The following SH2D1B variants were observed in gnomAD, a reference collection of about 807,000 sequenced individuals.
SH2D1B encodes the protein SH2 domain containing 1B.
A neutral mutation model predicts 16.3 loss-of-function variants in SH2D1B; 11 were observed. That is an observed-to-expected ratio of 0.67 (90% CI 0.42 to 1.11). SH2D1B has a LOEUF of 1.11. Among genes scored for constraint, SH2D1B ranks in the 50% most tolerant of loss-of-function variants. The probability of loss-of-function intolerance (pLI) is 0.00; values close to 1 mark genes in which losing one functional copy is unlikely to be tolerated. For synonymous variants in SH2D1B, 55 were observed against 56.1 expected (o/e 0.98, Z 0.09); for missense variants, 123 against 153.1 (o/e 0.80, Z 1.04).
chr1:162,410,491 G>C (rs1451735293), intron 1 of SH2D1B, among the ~76,000 whole-genome samples: 1 of 152,022 alleles, frequency 6.6e-6, no homozygotes, highest in Non-Finnish European at 1.5e-5. Context: ...TTCTGTTACA[G>C]GTATAATAAA....
chr1:162,405,681 G>T (rs351451), intron 1 of SH2D1B, among the ~76,000 whole-genome samples: 1 of 152,126 alleles, frequency 6.6e-6, no homozygotes, highest in Non-Finnish European at 1.5e-5. Flanking sequence ...TATGGAAATC[G>T]TTGTCGTCAT....
At chr1:162,400,159 A>C (rs760283703) in intron 2 of SH2D1B, among the ~76,000 whole-genome samples, 2 of 152,218 alleles carry the variant, frequency 1.3e-5, no homozygotes, top group Non-Finnish European at 2.9e-5. Context: ...TACTTGATGA[A>C]TTCACAATCT....
chr1:162,405,106 G>T (rs573819711), intron 1 of SH2D1B, among the ~76,000 whole-genome samples: 1 of 152,180 alleles, frequency 6.6e-6, no homozygotes, highest in Admixed American at 6.5e-5. Context: ...AACTATTGCT[G>T]CATGCAACCA....
Position 162,410,435 on chromosome 1 carries a change from A to G in SH2D1B, c.134+1448T>C, listed in dbSNP as rs185666049. Among the ~76,000 whole-genome samples, 293 of 152,314 alleles carry G rather than the reference A, an allele frequency of 1.9e-3. 1 individual carries two copies. In the Middle Eastern group the frequency reaches 0.024, roughly 12 times the overall value. ...CTTCCCAACCATAATTTAACAAGTG[A>G]CATTGAGTAATTTTTTTCTTTAACA... On this transcript the variant is annotated intron_variant, in intron 1 of 3. Coordinates refer to ENST00000367929, the MANE Select transcript of SH2D1B (RefSeq NM_053282.5).
At chr1:162,399,914 C>T (rs373529936) in intron 2 of SH2D1B, among the ~76,000 whole-genome samples, 11 of 152,256 alleles carry the variant, frequency 7.2e-5, no homozygotes, top group Middle Eastern at 6.8e-3. Context: ...ACTCTAATTT[C>T]GATCCTCTCC....
chr1:162,411,381 T>C (rs1648791953), intron 1 of SH2D1B, among the ~76,000 whole-genome samples: 1 of 152,234 alleles, frequency 6.6e-6, no homozygotes, highest in Non-Finnish European at 1.5e-5. Context: ...CTTGCCTTGA[T>C]AGACTACTAG....
At chr1:162,400,190 C>CAA (rs777988790) in intron 2 of SH2D1B, among the ~76,000 whole-genome samples, 3 of 150,992 alleles carry the variant, frequency 2.0e-5, no homozygotes, top group Non-Finnish European at 4.4e-5. Context: ...AAAACAAAAC[C>CAA]AAAAAAGTCC....
Position 162,397,168 on chromosome 1 carries a change from A to C in SH2D1B, c.*112T>G, listed in dbSNP as rs1350581281. Reference sequence around the variant, plus strand: ...ACATCTTCAGTTACACAACCAGGAGAGTCTGAATTGTCCACTAGAGTTTGG... The same window carrying C: ...ACATCTTCAGTTACACAACCAGGAGCGTCTGAATTGTCCACTAGAGTTTGG... On this transcript the variant is annotated 3_prime_UTR_variant, in exon 4 of 4. Coordinates refer to ENST00000367929, the MANE Select transcript of SH2D1B (RefSeq NM_053282.5). The C allele has an allele frequency of 7.0e-6, 8 of 1,140,286 alleles. No individual in the cohort carries two copies. The highest frequency in any genetic ancestry group is 1.9e-4 in the Middle Eastern group (1 of 5,132). 70.6% of individuals were successfully genotyped at this position (1,140,286 alleles called of 1,614,324 possible). A position where few individuals can be genotyped will look rare whatever the true frequency, so the allele number is the denominator to read the frequency against.
intron 3 of SH2D1B, 28 bp downstream of exon 3, chr1:162,398,895 T>C: frequency 6.3e-7 from 1 of 1,599,914 alleles, no homozygotes. Context: ...TTAAGATTGC[T>C]TTCTGACCCC....
intron 1 of SH2D1B, among the ~76,000 whole-genome samples, chr1:162,406,604 AT>A (rs1648659780): frequency 6.6e-6 from 1 of 152,084 alleles, no homozygotes; most frequent in African/African-American, 2.4e-5. Flanking sequence ...TCTATATTTG[AT>A]TTTCTAAAAT....
intron 3 of SH2D1B, among the ~76,000 whole-genome samples, chr1:162,398,139 T>C (rs1356945911): frequency 2.0e-5 from 3 of 151,970 alleles, no homozygotes; most frequent in Admixed American, 2.0e-4. Flanking sequence ...GGGGATGGAG[T>C]GATTGCAGGC....
Position 162,395,854 on chromosome 1 carries a change from G to C in SH2D1B, c.*1426C>G, listed in dbSNP as rs1648361842. 1.3e-5 allele frequency: 2 copies of C among 152,178 alleles called. No homozygotes were observed. Among genetic ancestry groups the C allele is most frequent in the African/African-American group, 4.8e-5 (2 of 41,434 alleles). 9.4% of individuals were successfully genotyped at this position (152,178 alleles called of 1,614,324 possible). On this transcript the variant is annotated 3_prime_UTR_variant, in exon 4 of 4. Coordinates refer to ENST00000367929, the MANE Select transcript of SH2D1B (RefSeq NM_053282.5). ...AAGATGACCCAAGAACATGGATGTG[G>C]CATGTTTATGCATGGGAAAACATCA...
At chr1:162,408,651 T>C (rs1648711820) in intron 1 of SH2D1B, among the ~76,000 whole-genome samples, 1 of 152,150 alleles carries the variant, frequency 6.6e-6, no homozygotes, top group South Asian at 2.1e-4. Context: ...CTTGACCTAG[T>C]GATCTGCCCG....
chr1:162,408,165 A>G (rs1648693839), intron 1 of SH2D1B, among the ~76,000 whole-genome samples: 1 of 152,196 alleles, frequency 6.6e-6, no homozygotes, highest in Non-Finnish European at 1.5e-5. Flanking sequence ...TATTTGTTGA[A>G]CAACTAGAAT....
rs1255205444 is a variant in SH2D1B, at chr1:162,395,824, C to A, written c.*1456G>T. 6.6e-6 allele frequency: 1 copy of A among 152,034 alleles called. No homozygotes were observed. Among genetic ancestry groups the A allele is most frequent in the Non-Finnish European group, 1.5e-5 (1 of 67,992 alleles). The allele number at this position is 152,034 out of a possible 1,614,324, so 9.4% of individuals were successfully genotyped here. On this transcript the variant is annotated 3_prime_UTR_variant, in exon 4 of 4. Transcript: ENST00000367929. The stretch of plus-strand genomic sequence containing the variant: ...GAAAATTTATGACTCCATGAAAGGG[C>A]AAAAAAGATGACCCAAGAACATGGA...
At chr1:162,401,393 A>G (rs575197543) in intron 2 of SH2D1B, among the ~76,000 whole-genome samples, 23 of 152,328 alleles carry the variant, frequency 1.5e-4, no homozygotes, top group Middle Eastern at 3.4e-3. Flanking sequence ...AGACATAGCA[A>G]AGTTGCAAAA....
chr1:162,412,094 A>C lies in SH2D1B; in HGVS notation c.-78T>G. On this transcript the variant is annotated 5_prime_UTR_variant, in exon 1 of 4. Transcript: ENST00000367929. ...AGTCAAGGGACAGCTCTGAGGAGAG[A>C]TGTGTAAGCAGCTGTACCTCCTGTG... is the stretch of plus-strand genomic sequence containing the variant. 6.3e-7 allele frequency: 1 copy of C among 1,581,112 alleles called. No individual in the cohort carries two copies. The highest frequency in any genetic ancestry group is 1.1e-5 in the South Asian group (1 of 89,854).
intron 1 of SH2D1B, among the ~76,000 whole-genome samples, chr1:162,411,429 A>C (rs1235580405): frequency 6.6e-6 from 1 of 152,226 alleles, no homozygotes; most frequent in African/African-American, 2.4e-5. Flanking sequence ...TCCTTCACAA[A>C]TCTAACAAAA....
chr1:162,397,360 C>T (rs764451048), intron 3 of SH2D1B, 45 bp from the exon 4 acceptor site: 9 of 1,608,150 alleles, frequency 5.6e-6, no homozygotes, highest in Non-Finnish European at 6.8e-6. Context: ...TGAGACCACA[C>T]CCAGAAGTCA....
Sources: allele counts gnomAD v4.1 joint callset (sites outside exome capture counted in the v4.1 genomes callset), GRCh38; gene constraint gnomAD v4.1.1; transcripts MANE v1.5; gene names NCBI Gene and HGNC (gene_info 2026-07-23, HGNC 2026-07-21).